The following BMPR2 variants were observed in gnomAD, a reference collection of about 807,000 sequenced individuals.
The protein encoded by BMPR2 is bone morphogenetic protein receptor type-2.
Under a neutral mutation model 100.8 loss-of-function variants are expected in BMPR2, and 29 were observed. The observed-to-expected ratio is 0.29, with a 90% CI of 0.21 to 0.39. The LOEUF (loss-of-function observed/expected upper bound fraction) is 0.39. Among genes scored for constraint, BMPR2 ranks in the 10% least tolerant of loss-of-function variants. The pLI is 1.00. For synonymous variants in BMPR2, 382 were observed against 442.3 expected (o/e 0.86, Z 1.71); for missense variants, 1,011 against 1,274.5 (o/e 0.79, Z 3.15).
At chr2:202,557,147 A>G (rs1363476634) in intron 12 of BMPR2, among the ~76,000 whole-genome samples, 1 of 151,808 alleles carries the variant, frequency 6.6e-6, no homozygotes, top group Non-Finnish European at 1.5e-5. Flanking sequence ...CCTGACCAAC[A>G]TGGTGAAACC....
At chr2:202,384,974 A>G (rs934080924) in intron 1 of BMPR2, among the ~76,000 whole-genome samples, 5 of 152,160 alleles carry the variant, frequency 3.3e-5, no homozygotes, top group Admixed American at 6.6e-5. Context: ...ATTGGTGTCA[A>G]AAATGTACAT....
intron 1 of BMPR2, among the ~76,000 whole-genome samples, chr2:202,449,799 ATATAT>A (rs1470727251): frequency 1.3e-5 from 2 of 152,062 alleles, no homozygotes; most frequent in African/African-American, 4.8e-5. Flanking sequence ...TTTTGCTGTA[ATATAT>A]TATAGCCTTG....
intron 1 of BMPR2, among the ~76,000 whole-genome samples, chr2:202,435,482 CAGTT>C (rs1691598982): frequency 6.9e-6 from 1 of 144,556 alleles, no homozygotes; most frequent in Non-Finnish European, 1.5e-5. Context: ...ATGTTAAAAA[CAGTT>C]AAACCACAGG....
chr2:202,380,502 T>C (rs539027141), intron 1 of BMPR2, among the ~76,000 whole-genome samples: 16 of 152,146 alleles, frequency 1.1e-4, no homozygotes, highest in Non-Finnish European at 1.9e-4. Flanking sequence ...AAAATGCATA[T>C]TTTTGGCCCT....
intron 3 of BMPR2, among the ~76,000 whole-genome samples, chr2:202,470,393 A>C (rs1027740283): frequency 3.9e-5 from 6 of 152,206 alleles, no homozygotes; most frequent in Admixed American, 1.3e-4. Flanking sequence ...AAAATGATTT[A>C]TCCCAAGACT....
At chr2:202,484,175 A>G (rs1352892730) in intron 3 of BMPR2, among the ~76,000 whole-genome samples, 1 of 152,224 alleles carries the variant, frequency 6.6e-6, no homozygotes, top group East Asian at 1.9e-4. Context: ...TAAGTCGGGA[A>G]GCATCTGTAT....
At chr2:202,400,113 T>TA (rs56362724) in intron 1 of BMPR2, among the ~76,000 whole-genome samples, 16 of 147,966 alleles carry the variant, frequency 1.1e-4, no homozygotes, top group South Asian at 1.1e-3. Flanking sequence ...GACCCTGTCT[T>TA]AAAAAAAAAA....
chr2:202,382,831 G>T (rs948879227), intron 1 of BMPR2, among the ~76,000 whole-genome samples: 4 of 152,112 alleles, frequency 2.6e-5, no homozygotes, highest in African/African-American at 9.7e-5. Context: ...ATAATATGGG[G>T]TTGTACTTGA....
chr2:202,487,524 G>C (rs1438370936), intron 3 of BMPR2, among the ~76,000 whole-genome samples: 1 of 152,146 alleles, frequency 6.6e-6, no homozygotes, highest in African/African-American at 2.4e-5. Flanking sequence ...GATAATATTT[G>C]AGGCTGCTTC....
At position 202,434,926 on chromosome 2, in the gene BMPR2, TA is replaced by T. The variant is rs1559037467; in HGVS notation, c.77-29882del. Among the ~76,000 whole-genome samples, 190 of 115,886 alleles carry T rather than the reference TA, an allele frequency of 1.6e-3. 6 individuals carry two copies. Among genetic ancestry groups the T allele is most frequent in the Middle Eastern group, 4.3e-3 (1 of 230 alleles). The allele number at this position is 115,886 out of a possible 152,430, so 76.0% of individuals were successfully genotyped here. ...AAAAAAAAATATATATATATATATA[TA>T]TATATATATTTATTTATTTATTTAC... On this transcript the variant is annotated intron_variant, in intron 1 of 12. Transcript: ENST00000374580.
chr2:202,485,274 T>G (rs559788625), intron 3 of BMPR2, among the ~76,000 whole-genome samples: 11 of 152,246 alleles, frequency 7.2e-5, no homozygotes, highest in Non-Finnish European at 8.8e-5. Context: ...GTTGCCATAA[T>G]AAATTATCAC....
At chr2:202,440,530 C>T (rs1436867606) in intron 1 of BMPR2, among the ~76,000 whole-genome samples, 1 of 148,402 alleles carries the variant, frequency 6.7e-6, no homozygotes, top group East Asian at 2.0e-4. Flanking sequence ...TGATGGGCGG[C>T]CAGGCAGAGA....
intron 1 of BMPR2, among the ~76,000 whole-genome samples, chr2:202,423,432 A>C (rs985031698): frequency 1.3e-5 from 2 of 152,160 alleles, no homozygotes; most frequent in Non-Finnish European, 2.9e-5. Flanking sequence ...GAAAGAGAAC[A>C]GCATCTTGCT....
intron 1 of BMPR2, among the ~76,000 whole-genome samples, chr2:202,393,532 G>A (rs909145742): frequency 2.0e-5 from 3 of 152,146 alleles, no homozygotes; most frequent in Non-Finnish European, 4.4e-5. Flanking sequence ...CTAGGCACAA[G>A]CGATCCTCCT....
chr2:202,414,804 A>G (rs1009926459), intron 1 of BMPR2, among the ~76,000 whole-genome samples: 5 of 152,042 alleles, frequency 3.3e-5, no homozygotes, highest in East Asian at 1.9e-4. Flanking sequence ...CAGTGGTTCA[A>G]TCTTGGCTCA....
chr2:202,418,673 C>T (rs1012359282), intron 1 of BMPR2, among the ~76,000 whole-genome samples: 2 of 152,206 alleles, frequency 1.3e-5, no homozygotes, highest in Non-Finnish European at 2.9e-5. Context: ...AAGTTACCCT[C>T]TGAAGACCTG....
chr2:202,498,883 C>T (rs1478969132), intron 3 of BMPR2, among the ~76,000 whole-genome samples: 1 of 152,164 alleles, frequency 6.6e-6, no homozygotes, highest in African/African-American at 2.4e-5. Context: ...TTCGAGCTTT[C>T]TTTTCATTGA....
At chr2:202,517,357 T>C (rs2106005186) in intron 5 of BMPR2, among the ~76,000 whole-genome samples, 1 of 149,430 alleles carries the variant, frequency 6.7e-6, no homozygotes, top group South Asian at 2.1e-4. Flanking sequence ...TTTTTTACTC[T>C]GTCATCCAGG....
intron 1 of BMPR2, among the ~76,000 whole-genome samples, chr2:202,410,208 C>T (rs1430524602): frequency 1.3e-5 from 2 of 152,068 alleles, no homozygotes; most frequent in Admixed American, 6.6e-5. Flanking sequence ...TGGTCTCAAA[C>T]TCCTGACCTC....
Sources: allele counts gnomAD v4.1 joint callset (sites outside exome capture counted in the v4.1 genomes callset), GRCh38; gene constraint gnomAD v4.1.1; transcripts MANE v1.5; gene names NCBI Gene and HGNC (gene_info 2026-07-23, HGNC 2026-07-21).